The following TRPM3 variants were observed in gnomAD, a reference collection of about 807,000 sequenced individuals.
TRPM3 encodes the protein transient receptor potential cation channel subfamily M member 3.
A neutral mutation model predicts 181.2 loss-of-function variants in TRPM3; 77 were observed. The observed-to-expected ratio is 0.42, with a 90% CI of 0.35 to 0.51. The LOEUF is 0.51. TRPM3 is among the 20% of genes least tolerant of loss of function. The probability of loss-of-function intolerance (pLI) is 0.01; values close to 1 mark genes in which losing one functional copy is unlikely to be tolerated. For synonymous variants in TRPM3, 745 were observed against 796.4 expected, an observed-to-expected ratio of 0.94 and a Z score of 1.09; for missense variants, 1,759 against 2,196.7, an observed-to-expected ratio of 0.80 and a Z score of 3.98.
chr9:71,085,787 A>C (rs2065159845), intron 1 of TRPM3, among the ~76,000 whole-genome samples: 1 of 151,990 alleles, frequency 6.6e-6, no homozygotes, highest in Non-Finnish European at 1.5e-5. Flanking sequence ...AAGTAGTTTG[A>C]AGATTTCTCA....
chr9:70,797,530 C>G (rs12378128), intron 6 of TRPM3, among the ~76,000 whole-genome samples: 2 of 152,210 alleles, frequency 1.3e-5, no homozygotes, highest in Non-Finnish European at 2.9e-5. Context: ...CCCATCTCTT[C>G]CAGAGCTCTC....
chr9:70,974,783 ATTT>A (rs929738108), intron 1 of TRPM3, among the ~76,000 whole-genome samples: 1 of 151,858 alleles, frequency 6.6e-6, no homozygotes, highest in African/African-American at 2.4e-5. Context: ...AATTTAAGTA[ATTT>A]ACACAAAATT....
At chr9:70,659,578 G>A (rs1461575975) in intron 9 of TRPM3, among the ~76,000 whole-genome samples, 1 of 152,098 alleles carries the variant, frequency 6.6e-6, no homozygotes, top group Admixed American at 6.5e-5. Flanking sequence ...GTCCTACCAT[G>A]ATGTGTCTTT....
At chr9:70,868,173 A>G (rs1564644923) in intron 1 of TRPM3, among the ~76,000 whole-genome samples, 1 of 152,056 alleles carries the variant, frequency 6.6e-6, no homozygotes, top group Non-Finnish European at 1.5e-5. Flanking sequence ...TTCTAAAGGT[A>G]GAATGGTCAC....
chr9:71,406,158 G>A (rs1209553988), intron 1 of TRPM3, among the ~76,000 whole-genome samples: 1 of 152,068 alleles, frequency 6.6e-6, no homozygotes, highest in Non-Finnish European at 1.5e-5. Flanking sequence ...TTTATGAAAA[G>A]ATCCAAGCCT....
At chr9:71,443,647 T>A (rs1239724668) in intron 1 of TRPM3, among the ~76,000 whole-genome samples, 1 of 152,002 alleles carries the variant, frequency 6.6e-6, no homozygotes, top group Non-Finnish European at 1.5e-5. Flanking sequence ...AAGATTAGCG[T>A]CAAAATCATG....
intron 1 of TRPM3, among the ~76,000 whole-genome samples, chr9:71,144,785 A>G (rs1431990589): frequency 6.6e-6 from 1 of 152,224 alleles, no homozygotes; most frequent in African/African-American, 2.4e-5. Flanking sequence ...AAATATTAAC[A>G]ACAAAGAAAT....
At chr9:71,025,481 A>G (rs1227006708) in intron 1 of TRPM3, among the ~76,000 whole-genome samples, 1 of 152,188 alleles carries the variant, frequency 6.6e-6, no homozygotes, top group African/African-American at 2.4e-5. Context: ...AATATGTAAG[A>G]CTCATACTTC....
rs76479904 is a variant in TRPM3, at chr9:71,140,749, C to T, written c.184-276238G>A. Among the ~76,000 whole-genome samples the T allele has an allele frequency of 8.8e-3, 1,347 of 152,222 alleles. 21 individuals carry two copies. Among genetic ancestry groups the T allele is most frequent in the African/African-American group, 0.031 (1,276 of 41,538 alleles). On this transcript the variant is annotated intron_variant, in intron 1 of 24. Transcript: ENST00000357533. ...AGGGTAAAGATAAACAAGGCTAATA[C>T]TTCACTGTTAAGTCATACATGTACT...
intron 1 of TRPM3, among the ~76,000 whole-genome samples, chr9:71,263,722 A>G (rs914484769): frequency 6.7e-6 from 1 of 149,778 alleles, no homozygotes; most frequent in Non-Finnish European, 1.5e-5. Flanking sequence ...GGGCCTTGGA[A>G]TCAACTGAGG....
intron 3 of TRPM3, among the ~76,000 whole-genome samples, chr9:70,862,415 C>A (rs193108302): frequency 6.6e-6 from 1 of 152,042 alleles, no homozygotes; most frequent in Non-Finnish European, 1.5e-5. Flanking sequence ...CACTTAATTT[C>A]GATGGCAATA....
At chr9:70,794,695 G>T (rs946458661) in intron 6 of TRPM3, among the ~76,000 whole-genome samples, 1 of 152,088 alleles carries the variant, frequency 6.6e-6, no homozygotes, top group Non-Finnish European at 1.5e-5. Context: ...GCTGGCTCCC[G>T]TCGACTCCCA....
intron 1 of TRPM3, among the ~76,000 whole-genome samples, chr9:71,289,385 A>G (rs2085587417): frequency 6.6e-6 from 1 of 152,142 alleles, no homozygotes; most frequent in African/African-American, 2.4e-5. Flanking sequence ...GAACCTCCAT[A>G]AATGCATTGA....
intron 9 of TRPM3, among the ~76,000 whole-genome samples, chr9:70,648,277 C>A (rs1213062030): frequency 6.6e-6 from 1 of 152,204 alleles, no homozygotes; most frequent in Non-Finnish European, 1.5e-5. Flanking sequence ...GAGTTTGAGA[C>A]CAGCCTGGGC....
intron 11 of TRPM3, among the ~76,000 whole-genome samples, chr9:70,636,206 C>T (rs2057159954): frequency 6.6e-6 from 1 of 150,490 alleles, no homozygotes; most frequent in African/African-American, 2.4e-5. Context: ...ATTATGGGCA[C>T]AGAAAGTCAA....
intron 8 of TRPM3, among the ~76,000 whole-genome samples, chr9:70,748,385 C>G (rs772285053): frequency 2.0e-4 from 31 of 152,078 alleles, no homozygotes; most frequent in Non-Finnish European, 4.1e-4. Flanking sequence ...TGTTGTATGT[C>G]TATTATGTTC....
chr9:70,988,034 T>C (rs761503498), intron 1 of TRPM3, among the ~76,000 whole-genome samples: 2 of 152,206 alleles, frequency 1.3e-5, no homozygotes, highest in East Asian at 1.9e-4. Flanking sequence ...TCTGTAATTA[T>C]GTTCCTCTAA....
intron 1 of TRPM3, among the ~76,000 whole-genome samples, chr9:71,047,204 T>G (rs972549783): frequency 6.6e-6 from 1 of 152,210 alleles, no homozygotes; most frequent in Non-Finnish European, 1.5e-5. Context: ...GGAGTTCACA[T>G]GTGAATATCT....
intron 25 of TRPM3, among the ~76,000 whole-genome samples, chr9:70,546,804 T>A (rs2045070994): frequency 6.6e-6 from 1 of 152,180 alleles, no homozygotes; most frequent in African/African-American, 2.4e-5. Context: ...ACTCTACTGG[T>A]GCATTATATT....
Sources: gnomAD v4.1 joint callset for allele counts (sites outside exome capture counted in the v4.1 genomes callset) on GRCh38, gnomAD v4.1.1 for gene constraint, MANE v1.5 for transcripts, NCBI Gene and HGNC (gene_info 2026-07-23, HGNC 2026-07-21) for gene names.